The following RORB variants were observed in gnomAD, a reference collection of about 807,000 sequenced individuals.
RORB encodes the protein nuclear receptor ROR-beta.
Under a neutral mutation model 59.1 loss-of-function variants are expected in RORB, and 6 were observed. That is an observed-to-expected ratio of 0.10 (90% confidence interval 0.06 to 0.20). The LOEUF is 0.20. RORB is among the 10% of genes least tolerant of loss of function. RORB has a pLI of 1.00. For synonymous variants in RORB, 215 were observed against 204.5 expected (o/e 1.05, Z -0.44); for missense variants, 320 against 560.5 (o/e 0.57, Z 4.33).
chr9:74,654,610 A>T (rs1475589205), intron 4 of RORB, among the ~76,000 whole-genome samples: 5 of 152,220 alleles, frequency 3.3e-5, no homozygotes, highest in Non-Finnish European at 1.5e-5. Context: ...ACAATATTTT[A>T]AAATATTTTT....
At chr9:74,528,506 C>G (rs1002725465) in intron 1 of RORB, among the ~76,000 whole-genome samples, 2 of 151,924 alleles carry the variant, frequency 1.3e-5, no homozygotes, top group Non-Finnish European at 2.9e-5. Flanking sequence ...TCTTGTTACC[C>G]TTTCCACTTG....
intron 1 of RORB, among the ~76,000 whole-genome samples, chr9:74,596,457 G>T (rs1258300302): frequency 6.6e-6 from 1 of 152,252 alleles, no homozygotes; most frequent in Non-Finnish European, 1.5e-5. Context: ...GTGTGTCGTG[G>T]CCTCCTTGTG....
chr9:74,585,427 T>C (rs1199924993), intron 1 of RORB, among the ~76,000 whole-genome samples: 3 of 152,248 alleles, frequency 2.0e-5, no homozygotes. Flanking sequence ...TTTATTTTCT[T>C]TTAATGTAAG....
intron 1 of RORB, among the ~76,000 whole-genome samples, chr9:74,618,999 A>G (rs1003167178): frequency 6.6e-6 from 1 of 152,226 alleles, no homozygotes; most frequent in African/African-American, 2.4e-5. Context: ...TGGCAATTTC[A>G]TATGATTCGA....
At chr9:74,602,096 C>T (rs919907881) in intron 1 of RORB, among the ~76,000 whole-genome samples, 4 of 152,156 alleles carry the variant, frequency 2.6e-5, no homozygotes, top group East Asian at 1.9e-4. Context: ...TCCAGGTCCC[C>T]ATCAACATCA....
intron 4 of RORB, among the ~76,000 whole-genome samples, chr9:74,646,746 C>T (rs1168832319): frequency 6.6e-6 from 1 of 152,130 alleles, no homozygotes; most frequent in Non-Finnish European, 1.5e-5. Context: ...CTTCAAATAC[C>T]TATTTTTGAA....
chr9:74,622,746 C>T (rs546226806), intron 1 of RORB, among the ~76,000 whole-genome samples: 315 of 151,828 alleles, frequency 2.1e-3, no homozygotes, highest in Admixed American at 7.0e-3. Flanking sequence ...AGGATGGTCT[C>T]GATCTCTTAA....
intron 3 of RORB, among the ~76,000 whole-genome samples, chr9:74,639,020 C>T (rs917001516): frequency 8.5e-5 from 13 of 152,058 alleles, no homozygotes; most frequent in Non-Finnish European, 1.5e-4. Flanking sequence ...TAGATGTTAC[C>T]CATGGCAGAG....
rs145083743 is a variant in RORB at position 74,629,637 on chromosome 9, T to C, written c.8-645T>C. Among the ~76,000 whole-genome samples the C allele has an allele frequency of 5.7e-3, 869 of 152,306 alleles. 6 individuals carry two copies. The highest frequency in any genetic ancestry group is 8.5e-3 in the Non-Finnish European group (577 of 68,026). On this transcript the variant is annotated intron_variant, in intron 1 of 9. Coordinates refer to ENST00000376896, the MANE Select transcript of RORB (RefSeq NM_006914.4). ...ATTGAATTCATATTTGGTACCCTCA[T>C]AATTTATCCTGATTTCTCCATGTAT...
chr9:74,582,832 G>A (rs950019740), intron 1 of RORB, among the ~76,000 whole-genome samples: 2 of 152,156 alleles, frequency 1.3e-5, no homozygotes, highest in Non-Finnish European at 2.9e-5. Flanking sequence ...CTGTATGCAT[G>A]AGATAAACAG....
intron 1 of RORB, among the ~76,000 whole-genome samples, chr9:74,593,728 G>A (rs1057186297): frequency 1.3e-5 from 2 of 152,154 alleles, no homozygotes; most frequent in African/African-American, 4.8e-5. Context: ...CAATGTTGCT[G>A]CAGGAAAATG....
chr9:74,645,596 A>AAT (rs1339942296), intron 4 of RORB, among the ~76,000 whole-genome samples: 1 of 152,192 alleles, frequency 6.6e-6, no homozygotes, highest in African/African-American at 2.4e-5. Context: ...TATTATTAAT[A>AAT]ATATAACTGT....
chr9:74,650,632 T>G (rs1026908383), intron 4 of RORB, among the ~76,000 whole-genome samples: 18 of 152,322 alleles, frequency 1.2e-4, no homozygotes, highest in African/African-American at 3.8e-4. Context: ...ATCTTAATAC[T>G]GAGGAGAATG....
At chr9:74,575,798 A>G (rs1179960591) in intron 1 of RORB, among the ~76,000 whole-genome samples, 1 of 152,158 alleles carries the variant, frequency 6.6e-6, no homozygotes, top group Admixed American at 6.6e-5. Flanking sequence ...ATACAGTGGT[A>G]CAGGGAATAT....
intron 1 of RORB, among the ~76,000 whole-genome samples, chr9:74,562,359 T>C (rs1488765485): frequency 6.6e-6 from 1 of 152,236 alleles, no homozygotes; most frequent in Non-Finnish European, 1.5e-5. Context: ...ATTCCTGCAA[T>C]CTTCTCTGTG....
chr9:74,564,432 G>A (rs534921387), intron 1 of RORB, among the ~76,000 whole-genome samples: 2 of 152,288 alleles, frequency 1.3e-5, no homozygotes. Flanking sequence ...TTCTAGTGTA[G>A]TTTTCCCTTC....
At chr9:74,623,774 A>G (rs903350533) in intron 1 of RORB, among the ~76,000 whole-genome samples, 1 of 152,200 alleles carries the variant, frequency 6.6e-6, no homozygotes, top group Non-Finnish European at 1.5e-5. Context: ...TCGAAAAGAC[A>G]TTCACTCAAC....
At chr9:74,623,330 C>T (rs1244761327) in intron 1 of RORB, among the ~76,000 whole-genome samples, 2 of 152,036 alleles carry the variant, frequency 1.3e-5, no homozygotes, top group African/African-American at 4.8e-5. Flanking sequence ...ATTAAATCTG[C>T]AAAGGAAGCC....
chr9:74,522,626 T>G (rs1826098387), intron 1 of RORB, among the ~76,000 whole-genome samples: 1 of 151,852 alleles, frequency 6.6e-6, no homozygotes, highest in South Asian at 2.1e-4. Flanking sequence ...TTATTTACAA[T>G]GTAGTGCATT....
Sources: allele counts gnomAD v4.1 joint callset (sites outside exome capture counted in the v4.1 genomes callset), GRCh38; gene constraint gnomAD v4.1.1; transcripts MANE v1.5; gene names NCBI Gene and HGNC (gene_info 2026-07-23, HGNC 2026-07-21).